The following VPS13A variants were observed in gnomAD, a reference collection of about 807,000 sequenced individuals.
The protein encoded by VPS13A is vacuolar protein sorting 13 homolog A, also known as intermembrane lipid transfer protein VPS13A.
Under a neutral mutation model 390.9 loss-of-function variants are expected in VPS13A, and 264 were observed. The observed-to-expected ratio is 0.68, with a 90% confidence interval of 0.61 to 0.75. The LOEUF (loss-of-function observed/expected upper bound fraction) is 0.75, where lower values mean the gene tolerates loss of function less well. Ranked by LOEUF, VPS13A falls within the 30% of genes least tolerant of loss-of-function variation. The pLI is 0.00. For synonymous variants in VPS13A, 1,231 were observed against 1,227.1 expected, an observed-to-expected ratio of 1.00 and a Z score of -0.07; for missense variants, 3,409 against 3,733.9, an observed-to-expected ratio of 0.91 and a Z score of 2.27.
intron 52 of VPS13A, among the ~76,000 whole-genome samples, chr9:77,349,034 G>T (rs1474122284): frequency 3.3e-5 from 5 of 150,560 alleles, no homozygotes; most frequent in East Asian, 3.9e-4. Context: ...TCCTTCTCTT[G>T]GCTTTTAAAA....
chr9:77,280,069 C>G, intron 26 of VPS13A, 90 bp from the exon 27 acceptor site: 4 of 999,764 alleles, frequency 4.0e-6, no homozygotes, highest in Non-Finnish European at 6.0e-6. Context: ...GGAAAGCCTT[C>G]TTTTGCAATT....
rs1048985346 is a variant in VPS13A, at chr9:77,293,949, G to T, written c.3507+441G>T. On this transcript the variant is annotated intron_variant, in intron 32 of 71. Coordinates refer to ENST00000360280, the MANE Select transcript of VPS13A (RefSeq NM_033305.3). ...GACAAGGTCTTGCTCTGTCACCCAG[G>T]CTGGAGTGTAGTGGCATGATCGTAG... Among the ~76,000 whole-genome samples the T allele has an allele frequency of 1.6e-4, 25 of 152,078 alleles. 1 individual carries two copies. Among genetic ancestry groups the T allele is most frequent in the Admixed American group, 1.6e-3 (24 of 15,258 alleles).
At chr9:77,384,798 T>A (rs1833613391) in intron 68 of VPS13A, 2 of 1,499,528 alleles carry the variant, frequency 1.3e-6, no homozygotes, top group South Asian at 1.3e-5. Context: ...TCTTTTAAAA[T>A]GTTTTCCTAC....
chr9:77,252,420 C>A, intron 22 of VPS13A, 68 bp downstream of exon 22: 1 of 1,211,016 alleles, frequency 8.3e-7, no homozygotes, highest in Non-Finnish European at 1.2e-6. Flanking sequence ...AAATACCATA[C>A]TTAACTGACT....
chr9:77,220,385 T>G lies in VPS13A; in HGVS notation c.989+2T>G, dbSNP rs2131177211. The G allele has an allele frequency of 1.3e-6, 2 of 1,589,062 alleles. No homozygotes were observed. The highest frequency in any genetic ancestry group is 1.7e-6 in the Non-Finnish European group (2 of 1,164,982). ...TCTTCACCACCATGCCAGAGAATGG[T>G]AAATGCCTTGATTTTTTTTTTTTTT... On this transcript the variant is annotated splice_donor_variant, in intron 12 of 71. Transcript: ENST00000360280. LOFTEE classifies it high-confidence loss of function.
intron 68 of VPS13A, chr9:77,384,875 T>C (rs1711694947): frequency 7.0e-6 from 10 of 1,422,424 alleles, no homozygotes; most frequent in Non-Finnish European, 9.1e-6. Context: ...ACATCCAAAG[T>C]AGGGAGGGCA....
intron 71 of VPS13A, among the ~76,000 whole-genome samples, chr9:77,412,081 C>T (rs1410796183): frequency 6.6e-6 from 1 of 152,130 alleles, no homozygotes; most frequent in East Asian, 1.9e-4. Flanking sequence ...ATAACAGGCT[C>T]TGAAATTGAG....
At position 77,405,974 on chromosome 9, in the gene VPS13A, G is replaced by T. The variant is rs376343549; in HGVS notation, c.9386G>T (p.Arg3129Leu). ...EPFIVHGRRLRIEAKERVKSV... is the reference protein window; with the variant it reads ...EPFIVHGRRLLIEAKERVKSV... ...TTCATTGTTCATGGGAGAAGATTGC[G>T]CATTGAAGCAAAGGTATGTTGAATA... The change falls in exon 70 of 72, where the codon CGC becomes CTC. Residue 3129 changes from arginine to leucine, a missense_variant. Physicochemically the swap from Arg to Leu is moderately radical, Grantham distance 102. This residue lies in a region of VPS13A where 318 missense variants were observed against 333.7 expected (regional missense o/e 0.95). Transcript: ENST00000360280. 6 of 1,613,568 alleles carry T rather than the reference G, an allele frequency of 3.7e-6. No individual in the cohort carries two copies. The highest frequency in any genetic ancestry group is 4.2e-6 in the Non-Finnish European group (5 of 1,179,944).
chr9:77,337,440 A>G lies in VPS13A; in HGVS notation c.6281A>G (p.Tyr2094Cys). ...GATAATTTAACATCTCTATCAGTGTATTCAGAAGATGGTTGGGATTTACCA... is the reference window on the plus strand; with the variant it reads ...GATAATTTAACATCTCTATCAGTGTGTTCAGAAGATGGTTGGGATTTACCA... ...EKDNLTSLSV[Y>C]SEDGWDLPYI... The change falls in exon 47 of 72, where the codon TAT becomes TGT. Residue 2094 changes from tyrosine to cysteine, a missense_variant. By Grantham distance (194) the Tyr-to-Cys change is radical. Coordinates refer to ENST00000360280, the MANE Select transcript of VPS13A (RefSeq NM_033305.3). 1.2e-6 allele frequency: 2 copies of G among 1,613,118 alleles called. No individual in the cohort carries two copies. The highest frequency in any genetic ancestry group is 2.2e-5 in the East Asian group (1 of 44,772).
chr9:77,407,741 T>A (rs1834694491), intron 71 of VPS13A, 134 bp downstream of exon 71: 3 of 749,252 alleles, frequency 4.0e-6, no homozygotes, highest in Middle Eastern at 3.6e-4. Flanking sequence ...TTTGGCAGGT[T>A]TTAAAAGTAT....
intron 19 of VPS13A, among the ~76,000 whole-genome samples, chr9:77,245,818 GAA>G (rs1291163976): frequency 1.3e-5 from 2 of 152,306 alleles, no homozygotes; most frequent in Admixed American, 1.3e-4. Context: ...AATTTGTGAA[GAA>G]AAGAGGTTTA....
At chr9:77,314,345 A>T in intron 36 of VPS13A, 150 bp from the exon 37 acceptor site, 2 of 903,314 alleles carry the variant, frequency 2.2e-6, no homozygotes, top group East Asian at 2.6e-5. Context: ...AGTGATATGT[A>T]TATATTTTTA....
Position 77,200,580 on chromosome 9 carries a change from G to A in VPS13A, c.144+592G>A, listed in dbSNP as rs530445434. 3.9e-5 allele frequency among the ~76,000 whole-genome samples: 6 copies of A among 152,010 alleles called. No homozygotes were observed. The South Asian group carries it at 1.2e-3, about 32-fold the overall frequency. Reference sequence around the variant, plus strand: ...GTTTTCTGATTTTTTTTTTAAGACAGGCTCATGCTGTGTCACCCCAGGCTG... The same window carrying A: ...GTTTTCTGATTTTTTTTTTAAGACAAGCTCATGCTGTGTCACCCCAGGCTG... On this transcript the variant is annotated intron_variant, in intron 2 of 71. Transcript: ENST00000360280.
At chr9:77,414,297 T>C (rs2131672885) in intron 71 of VPS13A, among the ~76,000 whole-genome samples, 1 of 152,310 alleles carries the variant, frequency 6.6e-6, no homozygotes, top group South Asian at 2.1e-4. Flanking sequence ...CACATATGTT[T>C]ATTGCGGCAC....
At chr9:77,200,021 A>G (rs757929970) in intron 2 of VPS13A, 33 bp downstream of exon 2, 48 of 1,512,948 alleles carry the variant, frequency 3.2e-5, no homozygotes, top group Non-Finnish European at 4.3e-5. Flanking sequence ...TTGTAAAGTT[A>G]TTGCATTTAA....
chr9:77,372,221 C>G (rs1201080323), intron 67 of VPS13A, among the ~76,000 whole-genome samples: 5 of 151,642 alleles, frequency 3.3e-5, no homozygotes, highest in South Asian at 2.1e-4. Flanking sequence ...CCTGAGGAAT[C>G]GCCACACTGA....
chr9:77,314,370 C>G (rs1462735023), intron 36 of VPS13A, 125 bp from the exon 37 acceptor site: 4 of 1,056,566 alleles, frequency 3.8e-6, no homozygotes, highest in Non-Finnish European at 5.6e-6. Context: ...TTCATTAGAG[C>G]CCTTCGGAGA....
intron 59 of VPS13A, among the ~76,000 whole-genome samples, chr9:77,362,747 C>T (rs1047592189): frequency 3.9e-5 from 6 of 152,166 alleles, no homozygotes; most frequent in African/African-American, 1.2e-4. Context: ...AGTCCTTGCA[C>T]ATGACATGTT....
rs1419297636 is a variant in VPS13A, at chr9:77,365,493, A to G, written c.8245A>G (p.Lys2749Glu). 3.1e-6 allele frequency: 5 copies of G among 1,611,866 alleles called. No homozygotes were observed. ...TTTTCATAAAGATATAGAAGCTTTCAAAGAAGAATATAAAACAGCCTCATT... is the reference window on the plus strand; with the variant it reads ...TTTTCATAAAGATATAGAAGCTTTCGAAGAAGAATATAAAACAGCCTCATT... ...ELFHKDIEAF[K>E]EEYKTASLVD... Residue 2749 changes from lysine to glutamate, a missense_variant, in exon 60 of 72, where the codon AAA becomes GAA. Physicochemically the swap from Lys to Glu is moderately conservative, Grantham distance 56 (BLOSUM62 1). This residue lies in a region of VPS13A where 123 missense variants were observed against 118.7 expected (regional missense o/e 1.04). Coordinates refer to ENST00000360280, the MANE Select transcript of VPS13A (RefSeq NM_033305.3).
Sources: allele counts gnomAD v4.1 joint callset (sites outside exome capture counted in the v4.1 genomes callset), GRCh38; gene constraint gnomAD v4.1.1; regional missense constraint gnomAD v4.1.1; transcripts MANE v1.5; gene names NCBI Gene and HGNC (gene_info 2026-07-23, HGNC 2026-07-21).